Variants in PCSK2 observed in about 807,000 individuals in gnomAD.
The protein encoded by PCSK2 is proprotein convertase subtilisin/kexin type 2.
PCSK2 carries 14 observed loss-of-function variants against 69.7 expected under a neutral mutation model. The ratio of observed to expected loss-of-function variants is 0.20; its 90% CI spans 0.13 to 0.31. The LOEUF (loss-of-function observed/expected upper bound fraction) is 0.31, where lower values mean the gene tolerates loss of function less well. Ranked by LOEUF, PCSK2 falls within the 10% of genes least tolerant of loss-of-function variation. The pLI is 1.00. For synonymous variants in PCSK2, 307 were observed against 320.7 expected (o/e 0.96, Z 0.46); for missense variants, 544 against 842.5 (o/e 0.65, Z 4.39).
chr20:17,321,597 T>C (rs1989870612), intron 2 of PCSK2, among the ~76,000 whole-genome samples: 1 of 152,258 alleles, frequency 6.6e-6, no homozygotes, highest in South Asian at 2.1e-4. Context: ...AAGAGCATCA[T>C]GCTCTGATCC....
chr20:17,231,998 C>T lies in PCSK2; in HGVS notation c.177+4516C>T, dbSNP rs138894305. Among the ~76,000 whole-genome samples the T allele has an allele frequency of 1.8e-4, 28 of 152,280 alleles. No homozygotes were observed. The East Asian group carries it at 3.3e-3, about 18-fold the overall frequency. On this transcript the variant is annotated intron_variant, in intron 1 of 11. Transcript: ENST00000262545. ...CTCTCCTTGCAAGGTTAACCTGATT[C>T]GTTCAAGCCCACCAGGATTGTTTTC...
chr20:17,344,693 T>C (rs1303815895), intron 2 of PCSK2, among the ~76,000 whole-genome samples: 2 of 152,058 alleles, frequency 1.3e-5, no homozygotes, highest in African/African-American at 4.8e-5. Flanking sequence ...ACCTTTGTTA[T>C]AGCAAATAAC....
intron 8 of PCSK2, among the ~76,000 whole-genome samples, chr20:17,451,752 A>G (rs1426591336): frequency 6.6e-6 from 1 of 151,732 alleles, no homozygotes; most frequent in African/African-American, 2.4e-5. Context: ...AATCTACCAC[A>G]CTCCCCACAC....
intron 2 of PCSK2, among the ~76,000 whole-genome samples, chr20:17,311,828 C>G (rs745664521): frequency 1.3e-5 from 2 of 151,930 alleles, no homozygotes; most frequent in Non-Finnish European, 2.9e-5. Context: ...TTAGTAATAT[C>G]TCCAGGGAAT....
At chr20:17,411,729 C>A (rs1389463857) in intron 6 of PCSK2, among the ~76,000 whole-genome samples, 1 of 152,098 alleles carries the variant, frequency 6.6e-6, no homozygotes, top group Admixed American at 6.5e-5. Context: ...GGTCCCTTAC[C>A]CCCATGTAGC....
intron 2 of PCSK2, among the ~76,000 whole-genome samples, chr20:17,347,873 AAAGAAAGAAAGAAAG>A (rs1388316725): frequency 0.017 from 47 of 2,842 alleles, 2 homozygotes; most frequent in Middle Eastern, 0.17. Flanking sequence ...GAGAGAGAAA[AAAGAAAGAAAGAAAG>A]AAAGAAAGAA....
intron 2 of PCSK2, among the ~76,000 whole-genome samples, chr20:17,320,130 T>G (rs1300802255): frequency 6.6e-6 from 1 of 152,174 alleles, no homozygotes; most frequent in African/African-American, 2.4e-5. Context: ...TATATTATTT[T>G]CAGATTCATA....
chr20:17,414,713 C>G (rs2031958447), intron 6 of PCSK2, among the ~76,000 whole-genome samples: 1 of 152,122 alleles, frequency 6.6e-6, no homozygotes, highest in Non-Finnish European at 1.5e-5. Flanking sequence ...GATACCAAAG[C>G]CTGGCAGAGA....
chr20:17,420,665 A>G (rs2032103487), intron 6 of PCSK2, among the ~76,000 whole-genome samples: 1 of 152,252 alleles, frequency 6.6e-6, no homozygotes, highest in South Asian at 2.1e-4. Context: ...TAATGTGTAC[A>G]TGCCATATAG....
rs767268975 is a variant in PCSK2 at position 17,227,428 on chromosome 20, G to A, written c.123G>A (p.Gly41=). 147 of 1,613,892 alleles carry A rather than the reference G, an allele frequency of 9.1e-5. No homozygotes were observed. Among genetic ancestry groups the A allele is most frequent in the Non-Finnish European group, 1.1e-4 (134 of 1,179,968 alleles). ...TNHFLVELHK[G]GEDKARQVAA... is the part of the protein sequence containing the mutation. ...ATTTTCTTGTGGAGTTGCATAAAGG[G>A]GGAGAGGACAAAGCTCGCCAAGTTG... The change falls in exon 1 of 12, where the codon GGG becomes GGA. Residue 41 remains glycine, a synonymous_variant. Transcript: ENST00000262545.
intron 8 of PCSK2, among the ~76,000 whole-genome samples, chr20:17,440,239 A>G (rs1370026771): frequency 6.6e-6 from 1 of 152,118 alleles, no homozygotes; most frequent in Non-Finnish European, 1.5e-5. Context: ...GAAAAATGCA[A>G]AACCTCAGCG....
At chr20:17,361,735 G>C (rs1319732080) in intron 4 of PCSK2, among the ~76,000 whole-genome samples, 1 of 152,180 alleles carries the variant, frequency 6.6e-6, no homozygotes, top group Non-Finnish European at 1.5e-5. Flanking sequence ...TAAAAACAAT[G>C]CCTCAATGTT....
chr20:17,414,506 A>G (rs1193297517), intron 6 of PCSK2, among the ~76,000 whole-genome samples: 2 of 152,246 alleles, frequency 1.3e-5, no homozygotes, highest in East Asian at 1.9e-4. Flanking sequence ...ATCTCTGAAT[A>G]GACCAATAAC....
chr20:17,278,435 C>T (rs182523678), intron 2 of PCSK2, among the ~76,000 whole-genome samples: 8 of 152,202 alleles, frequency 5.3e-5, no homozygotes, highest in African/African-American at 1.9e-4. Context: ...ATGGATGAAG[C>T]TGGAAACCAT....
chr20:17,456,542 T>C (rs1466337444), intron 10 of PCSK2, 94 bp downstream of exon 10: 1 of 729,256 alleles, frequency 1.4e-6, no homozygotes, highest in East Asian at 2.5e-5. Context: ...GAGGGAAAAG[T>C]TGATGTGAGA....
intron 2 of PCSK2, among the ~76,000 whole-genome samples, chr20:17,320,617 G>A (rs1195617557): frequency 6.6e-6 from 1 of 152,204 alleles, no homozygotes; most frequent in East Asian, 1.9e-4. Flanking sequence ...GGAAACTGTG[G>A]AGAACATGAC....
intron 2 of PCSK2, among the ~76,000 whole-genome samples, chr20:17,289,421 A>C (rs780804749): frequency 1.2e-4 from 18 of 152,136 alleles, no homozygotes; most frequent in Non-Finnish European, 2.2e-4. Context: ...ATAATGGGAG[A>C]GGTTCTGTGG....
At chr20:17,293,753 T>C (rs1366027607) in intron 2 of PCSK2, among the ~76,000 whole-genome samples, 1 of 152,238 alleles carries the variant, frequency 6.6e-6, no homozygotes, top group Non-Finnish European at 1.5e-5. Flanking sequence ...AAAATCTATA[T>C]TCCTAAGATA....
At chr20:17,429,253 T>G (rs2046144929) in intron 6 of PCSK2, among the ~76,000 whole-genome samples, 182 bp from the exon 7 acceptor site, 1 of 152,144 alleles carries the variant, frequency 6.6e-6, no homozygotes, top group Non-Finnish European at 1.5e-5. Flanking sequence ...GATAATGGTT[T>G]GCTCAGCACT....
Sources: allele counts gnomAD v4.1 joint callset (sites outside exome capture counted in the v4.1 genomes callset), GRCh38; gene constraint gnomAD v4.1.1; transcripts MANE v1.5; gene names NCBI Gene and HGNC (gene_info 2026-07-23, HGNC 2026-07-21).